The following SGCZ variants were observed in gnomAD, a reference collection of about 807,000 sequenced individuals.
The protein encoded by SGCZ is sarcoglycan zeta, also known as zeta-sarcoglycan.
A neutral mutation model predicts 41.3 loss-of-function variants in SGCZ; 40 were observed. The observed-to-expected ratio is 0.97, with a 90% CI of 0.75 to 1.26. SGCZ has a LOEUF of 1.26. Ranked by LOEUF, SGCZ falls within the 50% of genes most tolerant of loss-of-function variation. The pLI is 0.00. For synonymous variants in SGCZ, 206 were observed against 137.5 expected (o/e 1.50, Z -3.49); for missense variants, 552 against 369.8 (o/e 1.49, Z -4.04).
intron 1 of SGCZ, among the ~76,000 whole-genome samples, chr8:14,555,879 G>T (rs1400114336): frequency 6.6e-6 from 1 of 151,720 alleles, no homozygotes; most frequent in African/African-American, 2.4e-5. Context: ...GAATTATGTT[G>T]GTTATTTTAG....
chr8:14,165,838 G>A (rs1414324527), intron 4 of SGCZ, among the ~76,000 whole-genome samples: 4 of 152,176 alleles, frequency 2.6e-5, no homozygotes, highest in South Asian at 4.1e-4. Context: ...GTCGCTTCTA[G>A]TAGCACCAGT....
intron 1 of SGCZ, among the ~76,000 whole-genome samples, chr8:15,187,535 G>A (rs766870153): frequency 2.0e-5 from 3 of 151,960 alleles, no homozygotes; most frequent in Non-Finnish European, 2.9e-5. Context: ...TACTGCATGA[G>A]TTAATTTATT....
chr8:14,418,950 C>G (rs1441547068), intron 2 of SGCZ, among the ~76,000 whole-genome samples: 4 of 151,928 alleles, frequency 2.6e-5, no homozygotes, highest in Non-Finnish European at 5.9e-5. Context: ...TTCGAATAGT[C>G]ACCTGTATCT....
intron 1 of SGCZ, among the ~76,000 whole-genome samples, chr8:14,989,773 TAG>T (rs1160139204): frequency 1.3e-5 from 2 of 151,946 alleles, no homozygotes; most frequent in African/African-American, 4.8e-5. Flanking sequence ...ATAAGAGAAA[TAG>T]AGTTTCATCT....
At chr8:15,138,229 T>C (rs1808187055) in intron 1 of SGCZ, among the ~76,000 whole-genome samples, 1 of 152,234 alleles carries the variant, frequency 6.6e-6, no homozygotes, top group Non-Finnish European at 1.5e-5. Flanking sequence ...ACCCAATGCC[T>C]GTACTTCCAT....
chr8:14,605,515 T>C (rs1805720778), intron 1 of SGCZ, among the ~76,000 whole-genome samples: 1 of 152,048 alleles, frequency 6.6e-6, no homozygotes, highest in African/African-American at 2.4e-5. Context: ...TCTTTTTCTA[T>C]TTTTTTGTAC....
At chr8:14,841,047 T>C (rs1802890147) in intron 1 of SGCZ, among the ~76,000 whole-genome samples, 1 of 152,048 alleles carries the variant, frequency 6.6e-6, no homozygotes, top group South Asian at 2.1e-4. Flanking sequence ...TTGTTTGAAG[T>C]CTTGTAGCAA....
chr8:14,249,621 T>C (rs900917655), intron 3 of SGCZ, among the ~76,000 whole-genome samples: 2 of 152,180 alleles, frequency 1.3e-5, no homozygotes, highest in Non-Finnish European at 2.9e-5. Flanking sequence ...CTTAGCTATA[T>C]CTGAGAAGGC....
At chr8:14,304,370 GA>G in intron 3 of SGCZ, among the ~76,000 whole-genome samples, 1 of 152,038 alleles carries the variant, frequency 6.6e-6, no homozygotes, top group East Asian at 1.9e-4. Context: ...GAGGCAGAAG[GA>G]TTGCTTGAGC....
At chr8:14,430,404 T>G (rs1799911151) in intron 2 of SGCZ, among the ~76,000 whole-genome samples, 1 of 152,040 alleles carries the variant, frequency 6.6e-6, no homozygotes, top group Non-Finnish European at 1.5e-5. Flanking sequence ...TACAAGTCAA[T>G]AAATGTAATA....
intron 1 of SGCZ, among the ~76,000 whole-genome samples, chr8:15,021,992 T>C (rs1803268561): frequency 6.6e-6 from 1 of 152,208 alleles, no homozygotes; most frequent in African/African-American, 2.4e-5. Flanking sequence ...AAACATAACC[T>C]TGTGCATAAA....
At chr8:14,253,382 G>T (rs1273396592) in intron 3 of SGCZ, among the ~76,000 whole-genome samples, 1 of 151,820 alleles carries the variant, frequency 6.6e-6, no homozygotes, top group Non-Finnish European at 1.5e-5. Flanking sequence ...AAAGCATAGT[G>T]CTTACTTGTA....
chr8:14,810,284 A>G, intron 1 of SGCZ, among the ~76,000 whole-genome samples: 1 of 152,086 alleles, frequency 6.6e-6, no homozygotes, highest in East Asian at 1.9e-4. Context: ...ACTTTAAATC[A>G]AATTGTGTTT....
At chr8:14,646,319 T>A (rs1378364411) in intron 1 of SGCZ, among the ~76,000 whole-genome samples, 4 of 152,002 alleles carry the variant, frequency 2.6e-5, no homozygotes, top group Non-Finnish European at 5.9e-5. Flanking sequence ...TTTCTGTTCA[T>A]GCATTAATTC....
chr8:14,880,655 G>A (rs140799518), intron 1 of SGCZ, among the ~76,000 whole-genome samples: 7,542 of 152,198 alleles, frequency 0.05, 219 homozygotes, highest in Non-Finnish European at 0.061. Flanking sequence ...CGATTGTAGG[G>A]ACATGGATGA....
chr8:14,160,244 T>C (rs1803999302), intron 5 of SGCZ, among the ~76,000 whole-genome samples: 1 of 152,226 alleles, frequency 6.6e-6, no homozygotes, highest in South Asian at 2.1e-4. Flanking sequence ...ACGGGGCTGA[T>C]GTCTTTCACT....
intron 1 of SGCZ, among the ~76,000 whole-genome samples, chr8:14,689,977 G>C (rs1033739933): frequency 1.3e-5 from 2 of 152,120 alleles, no homozygotes; most frequent in African/African-American, 2.4e-5. Flanking sequence ...AAAGAATAAG[G>C]TTAGAAAAAC....
rs190760387 is a variant in SGCZ at position 14,090,000 on chromosome 8, A to C, written c.*443T>G. ...CGGGGATAAAAGTTTACATCCAAAA[A>C]GATGAATGGAAAATTGTGCTTTCAG... On this transcript the variant is annotated 3_prime_UTR_variant, in exon 8 of 8. Coordinates refer to ENST00000382080, the MANE Select transcript of SGCZ (RefSeq NM_139167.4). The C allele has an allele frequency of 2.7e-3, 408 of 153,218 alleles. 2 individuals carry two copies. Among genetic ancestry groups the C allele is most frequent in the Non-Finnish European group, 4.5e-3 (311 of 68,392 alleles). 9.5% of individuals were successfully genotyped at this position (153,218 alleles called of 1,614,324 possible).
chr8:14,181,066 G>C (rs1027674512), intron 4 of SGCZ, among the ~76,000 whole-genome samples: 1 of 152,130 alleles, frequency 6.6e-6, no homozygotes, highest in African/African-American at 2.4e-5. Flanking sequence ...TCCTAGGGAG[G>C]GAAGCCATGT....
Sources: allele counts gnomAD v4.1 joint callset (sites outside exome capture counted in the v4.1 genomes callset), GRCh38; gene constraint gnomAD v4.1.1; transcripts MANE v1.5; gene names NCBI Gene and HGNC (gene_info 2026-07-23, HGNC 2026-07-21).